The following STAU2 variants were observed in gnomAD, a reference collection of about 807,000 sequenced individuals.
STAU2 encodes the protein double-stranded RNA-binding protein Staufen homolog 2.
In STAU2, 20 loss-of-function variants were observed where a neutral mutation model predicts 65.9. The ratio of observed to expected loss-of-function variants is 0.30; its 90% CI spans 0.21 to 0.44. STAU2 has a LOEUF of 0.44. STAU2 is among the 20% of genes least tolerant of loss of function. The pLI, the probability that STAU2 is intolerant of heterozygous loss-of-function variation, is 1.00. For missense variants in STAU2, 558 were observed against 683.9 expected, an observed-to-expected ratio of 0.82 and a Z score of 2.05; for synonymous variants, 232 against 233.9, an observed-to-expected ratio of 0.99 and a Z score of 0.07.
At chr8:73,680,056 G>A in intron 5 of STAU2, among the ~76,000 whole-genome samples, 1 of 120,378 alleles carries the variant, frequency 8.3e-6, no homozygotes, top group East Asian at 2.6e-4. Context: ...AACTAGGGAA[G>A]TACCACAGTG....
intron 6 of STAU2, among the ~76,000 whole-genome samples, chr8:73,644,136 A>G (rs892772027): frequency 6.6e-6 from 1 of 152,242 alleles, no homozygotes; most frequent in African/African-American, 2.4e-5. Context: ...TAACAAAGAT[A>G]ACAGGAAAAA....
At chr8:73,549,931 C>T in intron 13 of STAU2, 1 of 985,588 alleles carries the variant, frequency 1.0e-6, no homozygotes, top group African/African-American at 1.7e-5. Context: ...TGTTTTTCTA[C>T]CAGGTAAATA....
At chr8:73,570,967 CA>C (rs1396918569) in intron 12 of STAU2, among the ~76,000 whole-genome samples, 2 of 152,118 alleles carry the variant, frequency 1.3e-5, no homozygotes, top group Non-Finnish European at 2.9e-5. Context: ...GATAAAGAGT[CA>C]AGACCCATCA....
intron 6 of STAU2, among the ~76,000 whole-genome samples, chr8:73,622,657 A>C (rs1813351883): frequency 6.6e-6 from 1 of 152,202 alleles, no homozygotes; most frequent in African/African-American, 2.4e-5. Context: ...ATCTTCATGG[A>C]AGGCCAGAGA....
At chr8:73,732,944 C>T in intron 3 of STAU2, 1 of 152,174 alleles carries the variant, frequency 6.6e-6, no homozygotes, top group Non-Finnish European at 1.5e-5. Flanking sequence ...CTCCTCACAA[C>T]AAACCTCTGA....
At chr8:73,603,989 G>T in intron 9 of STAU2, 126 bp from the exon 10 acceptor site, 1 of 1,008,582 alleles carries the variant, frequency 9.9e-7, no homozygotes, top group Non-Finnish European at 1.4e-6. Flanking sequence ...AGATAAATGA[G>T]TCATTTATGA....
chr8:73,612,759 C>T (rs1812568185), intron 9 of STAU2, among the ~76,000 whole-genome samples: 1 of 152,090 alleles, frequency 6.6e-6, no homozygotes, highest in South Asian at 2.1e-4. Context: ...CAAAAGAAAT[C>T]CATTGAGATT....
chr8:73,639,733 T>C (rs992328973), intron 6 of STAU2, among the ~76,000 whole-genome samples: 8 of 152,178 alleles, frequency 5.3e-5, no homozygotes, highest in Non-Finnish European at 1.2e-4. Context: ...TCCATTATCC[T>C]TGTTCTGGTT....
intron 6 of STAU2, among the ~76,000 whole-genome samples, chr8:73,654,866 T>A (rs1307678058): frequency 6.6e-6 from 1 of 151,628 alleles, no homozygotes; most frequent in South Asian, 2.1e-4. Flanking sequence ...TTTGTATTTT[T>A]AGTAGAGACG....
chr8:73,665,006 A>G (rs1355818056), intron 6 of STAU2, among the ~76,000 whole-genome samples: 1 of 152,002 alleles, frequency 6.6e-6, no homozygotes, highest in African/African-American at 2.4e-5. Flanking sequence ...TAATAATAAT[A>G]ATTTTTATAT....
At chr8:73,435,005 C>A (rs931451705) in intron 13 of STAU2, among the ~76,000 whole-genome samples, 1 of 151,834 alleles carries the variant, frequency 6.6e-6, no homozygotes, top group Non-Finnish European at 1.5e-5. Flanking sequence ...AGAGTGTGAA[C>A]CCCAACCCAG....
At chr8:73,486,110 A>G (rs528044708) in intron 13 of STAU2, among the ~76,000 whole-genome samples, 2 of 152,184 alleles carry the variant, frequency 1.3e-5, no homozygotes, top group South Asian at 4.1e-4. Flanking sequence ...TAACCTGTTA[A>G]CTTTGCCAAT....
intron 13 of STAU2, among the ~76,000 whole-genome samples, chr8:73,459,262 A>G (rs899965990): frequency 6.6e-6 from 1 of 152,210 alleles, no homozygotes; most frequent in Non-Finnish European, 1.5e-5. Flanking sequence ...ACAGAAGAGA[A>G]GCCAAGAAAC....
intron 6 of STAU2, among the ~76,000 whole-genome samples, chr8:73,655,637 ATC>A (rs1816298482): frequency 7.1e-6 from 1 of 141,172 alleles, no homozygotes; most frequent in Non-Finnish European, 1.5e-5. Context: ...ATTTTAATAC[ATC>A]TTTTTTTTTT....
chr8:73,475,970 G>C (rs529210062), intron 13 of STAU2, among the ~76,000 whole-genome samples: 1 of 152,278 alleles, frequency 6.6e-6, no homozygotes, highest in East Asian at 1.9e-4. Context: ...CATTGTGACA[G>C]TCATATTTTC....
At chr8:73,496,840 A>T (rs1821447766) in intron 13 of STAU2, among the ~76,000 whole-genome samples, 1 of 151,692 alleles carries the variant, frequency 6.6e-6, no homozygotes, top group African/African-American at 2.4e-5. Flanking sequence ...GGATGAGTCA[A>T]ATTTCAAATG....
At chr8:73,518,333 C>A (rs1001557201) in intron 13 of STAU2, among the ~76,000 whole-genome samples, 1 of 152,196 alleles carries the variant, frequency 6.6e-6, no homozygotes, top group Non-Finnish European at 1.5e-5. Context: ...ATACAAAATT[C>A]AGAAGGTGAA....
chr8:73,652,951 T>C (rs983215697), intron 6 of STAU2: 1 of 152,046 alleles, frequency 6.6e-6, no homozygotes, highest in African/African-American at 2.4e-5. Flanking sequence ...ACCAACTAGA[T>C]AAAACTCGAT....
upstream of STAU2, chr8:73,746,964 C>G (rs923038343): frequency 1.3e-6 from 1 of 765,082 alleles, no homozygotes; most frequent in African/African-American, 1.9e-5. Flanking sequence ...GCGCCCCCGC[C>G]TGCGCAGCCG....
Sources: gnomAD v4.1 joint callset for allele counts (sites outside exome capture counted in the v4.1 genomes callset) on GRCh38, gnomAD v4.1.1 for gene constraint, MANE v1.5 for transcripts, NCBI Gene and HGNC (gene_info 2026-07-23, HGNC 2026-07-21) for gene names.